Variants in NUP37 observed in about 807,000 individuals in gnomAD.
NUP37 encodes the protein nucleoporin 37, also known as nucleoporin Nup37.
In NUP37, 33 loss-of-function variants were observed where a neutral mutation model predicts 45.4. That is an observed-to-expected ratio of 0.73 (90% CI 0.55 to 0.97). NUP37 has a LOEUF of 0.97. NUP37 is among the 50% of genes least tolerant of loss of function. The pLI is 0.00. For synonymous variants in NUP37, 127 were observed against 130.7 expected, an observed-to-expected ratio of 0.97 and a Z score of 0.19; for missense variants, 365 against 389.7, an observed-to-expected ratio of 0.94 and a Z score of 0.53.
At chr12:102,082,214 T>C (rs1879349047) in intron 6 of NUP37, among the ~76,000 whole-genome samples, 1 of 152,152 alleles carries the variant, frequency 6.6e-6, no homozygotes, top group Non-Finnish European at 1.5e-5. Context: ...TCTAGCCATT[T>C]GTTTTGTGTT....
At chr12:102,098,075 A>C (rs979578352) in intron 5 of NUP37, among the ~76,000 whole-genome samples, 5 of 152,252 alleles carry the variant, frequency 3.3e-5, no homozygotes, top group Non-Finnish European at 5.9e-5. Flanking sequence ...TTTATGAAAC[A>C]TTATGCAAAA....
At chr12:102,075,174 T>G in intron 8 of NUP37, 80 bp from the exon 9 acceptor site, 1 of 889,056 alleles carries the variant, frequency 1.1e-6, no homozygotes, top group South Asian at 1.9e-5. Context: ...CTTTTTCTTT[T>G]TCTTTTTCTT....
intron 2 of NUP37, among the ~76,000 whole-genome samples, chr12:102,112,962 C>T (rs1021099163): frequency 2.0e-5 from 3 of 152,110 alleles, no homozygotes; most frequent in Admixed American, 6.5e-5. Context: ...GGAATAAATG[C>T]TTAATAAAGT....
At position 102,101,300 on chromosome 12, in the gene NUP37, C is replaced by T. The variant is rs975524529; in HGVS notation, c.282-196G>A. On this transcript the variant is annotated intron_variant, in intron 3 of 9. Transcript: ENST00000552283. ...TACAGCCATCACAGAAAGTAGGAGT[C>T]ATATTATTTTATTTTGAGAACACAC... Among the ~76,000 whole-genome samples the T allele has an allele frequency of 3.0e-4, 46 of 152,030 alleles. 2 individuals are homozygous for T. Among genetic ancestry groups the T allele is most frequent in the Non-Finnish European group, 2.9e-5 (2 of 68,010 alleles).
At chr12:102,086,271 T>C (rs1295692375) in intron 5 of NUP37, among the ~76,000 whole-genome samples, 1 of 152,176 alleles carries the variant, frequency 6.6e-6, no homozygotes, top group Non-Finnish European at 1.5e-5. Context: ...CACACACGCA[T>C]GCAAGCCGAG....
chr12:102,105,549 G>A (rs1880118679), intron 3 of NUP37, among the ~76,000 whole-genome samples: 3 of 151,188 alleles, frequency 2.0e-5, no homozygotes, highest in Admixed American at 6.6e-5. Flanking sequence ...CAAGAATTCC[G>A]TGTCATCTTT....
At chr12:102,109,085 C>A (rs1425744529) in intron 3 of NUP37, among the ~76,000 whole-genome samples, 1 of 152,156 alleles carries the variant, frequency 6.6e-6, no homozygotes, top group Non-Finnish European at 1.5e-5. Flanking sequence ...ACTTTATGGC[C>A]AGCCTTGTGT....
chr12:102,081,104 C>T (rs1012915317), intron 6 of NUP37, among the ~76,000 whole-genome samples: 1 of 152,096 alleles, frequency 6.6e-6, no homozygotes, highest in Admixed American at 6.6e-5. Flanking sequence ...GTTCTTATCA[C>T]TAAGAAGGGG....
intron 2 of NUP37, among the ~76,000 whole-genome samples, chr12:102,116,463 T>A (rs1248027465): frequency 6.6e-6 from 1 of 152,160 alleles, no homozygotes; most frequent in Non-Finnish European, 1.5e-5. Context: ...CTTTTTATGA[T>A]CCTAAACCAT....
chr12:102,099,590 T>G (rs1332782185), intron 4 of NUP37, among the ~76,000 whole-genome samples: 9 of 152,362 alleles, frequency 5.9e-5, no homozygotes, highest in Non-Finnish European at 1.2e-4. Context: ...CTAGGCTTTT[T>G]ACATTATATC....
At chr12:102,093,718 A>G (rs962446256) in intron 5 of NUP37, among the ~76,000 whole-genome samples, 4 of 152,124 alleles carry the variant, frequency 2.6e-5, no homozygotes, top group Admixed American at 2.6e-4. Flanking sequence ...TAAAGCTATC[A>G]ATAAGGGAAA....
intron 6 of NUP37, among the ~76,000 whole-genome samples, chr12:102,078,621 A>T (rs1879250869): frequency 6.6e-6 from 1 of 152,212 alleles, no homozygotes; most frequent in African/African-American, 2.4e-5. Context: ...CTGCCATGTG[A>T]CTGGCAGCTT....
chr12:102,119,547 G>T (rs966735526), intron 1 of NUP37: 1 of 152,158 alleles, frequency 6.6e-6, no homozygotes, highest in Non-Finnish European at 1.5e-5. Context: ...TTCGACACAA[G>T]GGTTGTCCTG....
chr12:102,103,464 A>T (rs916362578), intron 3 of NUP37, among the ~76,000 whole-genome samples: 7 of 152,166 alleles, frequency 4.6e-5, no homozygotes, highest in East Asian at 3.8e-4. Context: ...TGAATTCACT[A>T]ATCAGTTCTA....
chr12:102,085,842 TC>T lies in NUP37; in HGVS notation c.463del (p.Glu155LysfsTer15). 6.4e-7 allele frequency: 1 copy of T among 1,569,912 alleles called. No homozygotes were observed. The highest frequency in any genetic ancestry group is 8.8e-7 in the Non-Finnish European group (1 of 1,142,848). On this transcript the variant is annotated frameshift_variant, in exon 6 of 10. Coordinates refer to ENST00000552283, the MANE Select transcript of NUP37 (RefSeq NM_024057.4). LOFTEE classifies it high-confidence loss of function. ...DDHTCRIWNL[E>X]GVQTAHFVLH... is the part of the protein sequence containing the mutation. ...AACAAAATGAGCTGTTTGCACTCCT[TC>T]CAAGTTCCAAATCCTAATAAAAGAA...
At chr12:102,082,602 A>G (rs1406679612) in intron 6 of NUP37, among the ~76,000 whole-genome samples, 2 of 152,234 alleles carry the variant, frequency 1.3e-5, no homozygotes, top group Non-Finnish European at 2.9e-5. Flanking sequence ...AGTTTAAGTA[A>G]CTTGTCAGAG....
chr12:102,114,974 G>C (rs1412339451), intron 2 of NUP37, among the ~76,000 whole-genome samples: 1 of 152,050 alleles, frequency 6.6e-6, no homozygotes, highest in Non-Finnish European at 1.5e-5. Flanking sequence ...CAAATATCTG[G>C]CCATAGCTGA....
At chr12:102,110,862 G>A (rs1594400397) in intron 3 of NUP37, among the ~76,000 whole-genome samples, 1 of 152,172 alleles carries the variant, frequency 6.6e-6, no homozygotes, top group South Asian at 2.1e-4. Context: ...ATGAATGAGT[G>A]TTGGAGAGTA....
At chr12:102,119,882 T>A (rs1193259109) in intron 1 of NUP37, among the ~76,000 whole-genome samples, 168 bp downstream of exon 1, 1 of 152,150 alleles carries the variant, frequency 6.6e-6, no homozygotes, top group Non-Finnish European at 1.5e-5. Context: ...GATAAGTCTC[T>A]GCAATGAGCG....
Sources: gnomAD v4.1 joint callset for allele counts (sites outside exome capture counted in the v4.1 genomes callset) on GRCh38, gnomAD v4.1.1 for gene constraint, MANE v1.5 for transcripts, NCBI Gene and HGNC (gene_info 2026-07-23, HGNC 2026-07-21) for gene names.